The following IL1RAPL1 variants were observed in gnomAD, a reference collection of about 807,000 sequenced individuals.
IL1RAPL1 encodes interleukin 1 receptor accessory protein like 1.
In IL1RAPL1, 3 loss-of-function variants were observed where a neutral mutation model predicts 48.4. That is an observed-to-expected ratio of 0.06 (90% CI 0.03 to 0.16). IL1RAPL1 has a LOEUF of 0.16. IL1RAPL1 is among the 10% of genes least tolerant of loss of function. IL1RAPL1 has a pLI of 1.00. For synonymous variants in IL1RAPL1, 185 were observed against 187.7 expected (o/e 0.99, Z 0.12); for missense variants, 349 against 530.6 (o/e 0.66, Z 3.36).
chrX:29,530,041 A>G (rs1356764872), intron 5 of IL1RAPL1, among the ~76,000 whole-genome samples: 1 of 112,417 alleles, frequency 8.9e-6, no homozygotes, highest in African/African-American at 3.2e-5. Context: ...GCAGTTAATA[A>G]TAATATCACT....
intron 6 of IL1RAPL1, among the ~76,000 whole-genome samples, chrX:29,819,988 A>G (rs1373551171): frequency 9.4e-6 from 1 of 106,644 alleles, no homozygotes; most frequent in Non-Finnish European, 1.9e-5. Context: ...ATATTATATA[A>G]GTATATTATA....
intron 3 of IL1RAPL1, among the ~76,000 whole-genome samples, chrX:29,375,943 T>C (rs981666932): frequency 8.9e-6 from 1 of 112,189 alleles, no homozygotes; most frequent in Non-Finnish European, 1.9e-5. Flanking sequence ...ATTTGGATCT[T>C]CTGTTTTTTT....
intron 2 of IL1RAPL1, among the ~76,000 whole-genome samples, chrX:29,237,417 C>T (rs767739325): frequency 3.6e-5 from 4 of 112,454 alleles, no homozygotes; most frequent in East Asian, 5.6e-4. Context: ...GTGAATATAC[C>T]TTGATATGTC....
At chrX:28,754,237 C>A (rs973573112) in intron 1 of IL1RAPL1, among the ~76,000 whole-genome samples, 22 of 111,392 alleles carry the variant, frequency 2.0e-4, no homozygotes, top group Non-Finnish European at 9.4e-5. Context: ...AATTTCTTAA[C>A]CTCTATTTTA....
intron 2 of IL1RAPL1, among the ~76,000 whole-genome samples, chrX:28,894,285 G>A (rs1397755642): frequency 8.9e-6 from 1 of 111,893 alleles, no homozygotes; most frequent in African/African-American, 3.3e-5. Context: ...CAGAGCTGTA[G>A]CCTCAATGAT....
chrX:29,274,892 T>G (rs190533503), intron 2 of IL1RAPL1, among the ~76,000 whole-genome samples: 284 of 111,108 alleles, frequency 2.6e-3, no homozygotes, highest in Middle Eastern at 4.6e-3. Flanking sequence ...CTCGCCCTTC[T>G]GATCAATTTC....
At chrX:29,511,520 A>G (rs1602271787) in intron 5 of IL1RAPL1, among the ~76,000 whole-genome samples, 1 of 111,918 alleles carries the variant, frequency 8.9e-6, no homozygotes, top group East Asian at 2.8e-4. Context: ...AAACCCAAGT[A>G]TTACTACTTA....
chrX:28,915,538 A>G (rs1316154642), intron 2 of IL1RAPL1, among the ~76,000 whole-genome samples: 1 of 111,719 alleles, frequency 9.0e-6, no homozygotes, highest in Non-Finnish European at 1.9e-5. Context: ...CTTTACATGT[A>G]TGGGTTATTT....
chrX:29,237,055 A>C (rs1196646320), intron 2 of IL1RAPL1, among the ~76,000 whole-genome samples: 1 of 111,242 alleles, frequency 9.0e-6, no homozygotes, highest in Non-Finnish European at 1.9e-5. Context: ...AGTTCATTAC[A>C]AATTCATGCT....
In IL1RAPL1 at chrX:29,516,388, T is replaced by C. The variant is rs1228823102; in HGVS notation, c.703+117080T>C. ...ATGTATCAGTTATGAGTTTCAAAAA[T>C]AGAGTAGTACATCACCATATTGAAA... On this transcript the variant is annotated intron_variant, in intron 5 of 10. Coordinates refer to ENST00000378993, the MANE Select transcript of IL1RAPL1 (RefSeq NM_014271.4). Among the ~76,000 whole-genome samples the C allele has an allele frequency of 2.7e-5, 3 of 111,741 alleles. No individual in the cohort carries two copies. The South Asian group carries it at 1.1e-3, about 41-fold the overall frequency.
At chrX:29,884,203 T>A (rs1193856744) in intron 6 of IL1RAPL1, among the ~76,000 whole-genome samples, 1 of 112,043 alleles carries the variant, frequency 8.9e-6, no homozygotes, top group Non-Finnish European at 1.9e-5. Context: ...AACCCTATTT[T>A]TATTCCCTTT....
chrX:28,769,690 G>A (rs1334970983), intron 1 of IL1RAPL1, among the ~76,000 whole-genome samples: 3 of 111,218 alleles, frequency 2.7e-5, no homozygotes, highest in African/African-American at 9.8e-5. Flanking sequence ...GATGAAGCAG[G>A]CAGACCTGTT....
chrX:29,062,877 A>T (rs1484379809), intron 2 of IL1RAPL1, among the ~76,000 whole-genome samples: 1 of 111,376 alleles, frequency 9.0e-6, no homozygotes, highest in African/African-American at 3.3e-5. Flanking sequence ...TCTGGTTTTC[A>T]TGGAAAAAAT....
intron 6 of IL1RAPL1, among the ~76,000 whole-genome samples, chrX:29,669,072 T>C (rs946461627): frequency 9.0e-6 from 1 of 111,389 alleles, no homozygotes; most frequent in African/African-American, 3.3e-5. Context: ...ATTGAAAAAA[T>C]GTACAATTAT....
At chrX:29,489,645 G>A (rs534952925) in intron 5 of IL1RAPL1, among the ~76,000 whole-genome samples, 29 of 111,313 alleles carry the variant, frequency 2.6e-4, no homozygotes, top group African/African-American at 6.5e-4. Flanking sequence ...GTAATCCACC[G>A]AATTACATCA....
chrX:29,519,252 T>G (rs1935478450), intron 5 of IL1RAPL1, among the ~76,000 whole-genome samples: 1 of 111,796 alleles, frequency 8.9e-6, no homozygotes, highest in Non-Finnish European at 1.9e-5. Flanking sequence ...AGCCTGGAAT[T>G]CAGCGAAAGG....
Position 29,399,689 on chromosome X carries a change from G to C in IL1RAPL1, c.703+381G>C, listed in dbSNP as rs994163009. Among the ~76,000 whole-genome samples the C allele has an allele frequency of 3.6e-5, 4 of 110,308 alleles. No homozygotes were observed. The East Asian group carries it at 8.6e-4, about 24-fold the overall frequency. On this transcript the variant is annotated intron_variant, in intron 5 of 10. Transcript: ENST00000378993. Reference sequence around the variant, plus strand: ...CAAAAATTAGCCAGGCGTGGTGGTGGGCGCCTGTAATCCCAGCTACTCGGG... The same window carrying C: ...CAAAAATTAGCCAGGCGTGGTGGTGCGCGCCTGTAATCCCAGCTACTCGGG...
intron 1 of IL1RAPL1, among the ~76,000 whole-genome samples, chrX:28,650,330 G>C (rs1934668538): frequency 9.0e-6 from 1 of 111,377 alleles, no homozygotes; most frequent in Admixed American, 9.6e-5. Context: ...GGCTGGGGAG[G>C]CCTCACAATC....
chrX:29,853,216 C>A (rs1931408901), intron 6 of IL1RAPL1, among the ~76,000 whole-genome samples: 1 of 107,238 alleles, frequency 9.3e-6, no homozygotes, highest in Admixed American at 1.0e-4. Flanking sequence ...AAAACACGGC[C>A]AGGTGCAGTG....
Sources: gnomAD v4.1 joint callset for allele counts (sites outside exome capture counted in the v4.1 genomes callset) on GRCh38, gnomAD v4.1.1 for gene constraint, MANE v1.5 for transcripts, NCBI Gene and HGNC (gene_info 2026-07-23, HGNC 2026-07-21) for gene names.